The following PHF3 variants were observed in gnomAD, a reference collection of about 807,000 sequenced individuals.
PHF3 encodes PHD finger protein 3.
A neutral mutation model predicts 178.4 loss-of-function variants in PHF3; 41 were observed. The observed-to-expected ratio is 0.23, with a 90% CI of 0.18 to 0.30. PHF3 has a LOEUF of 0.30. PHF3 is among the 10% of genes least tolerant of loss of function. The pLI is 1.00. For synonymous variants in PHF3, 842 were observed against 800.5 expected (o/e 1.05, Z -0.88); for missense variants, 2,346 against 2,398.1 (o/e 0.98, Z 0.45).
At chr6:63,654,537 A>G (rs1421875783) in intron 2 of PHF3, among the ~76,000 whole-genome samples, 2 of 152,218 alleles carry the variant, frequency 1.3e-5, no homozygotes, top group Non-Finnish European at 2.9e-5. Context: ...GCAAAAGATA[A>G]AAGAGAGGTA....
intron 2 of PHF3, among the ~76,000 whole-genome samples, chr6:63,655,630 A>G (rs1765200768): frequency 6.6e-6 from 1 of 152,228 alleles, no homozygotes. Flanking sequence ...TTTTATTGGT[A>G]GGCTTTATGT....
At position 63,712,260 on chromosome 6, in the gene PHF3, C is replaced by G. The variant is rs777292330; in HGVS notation, c.4672C>G (p.Leu1558Val). 7 of 1,613,796 alleles carry G rather than the reference C, an allele frequency of 4.3e-6. No individual in the cohort carries two copies. Among genetic ancestry groups the G allele is most frequent in the Admixed American group, 1.7e-5 (1 of 59,968 alleles). The change falls in exon 16 of 16, where the codon CTT becomes GTT. Residue 1558 changes from leucine to valine, a missense_variant. Around this residue, in one of 8 missense-constraint regions of PHF3, gnomAD observed 839 missense variants for 806.9 expected, o/e 1.04. Coordinates refer to ENST00000262043, the MANE Select transcript of PHF3 (RefSeq NM_001370348.2). ...CATTTCTGCAGGGTCTTTGACGAGTCTTAGTCTCAGAGGTAAGCCACCAGA... is the reference window on the plus strand; with the variant it reads ...CATTTCTGCAGGGTCTTTGACGAGTGTTAGTCTCAGAGGTAAGCCACCAGA... ...SSISAGSLTS[L>V]SLRGKPPDVS...
intron 2 of PHF3, among the ~76,000 whole-genome samples, chr6:63,672,250 A>C (rs569043690): frequency 5.5e-4 from 84 of 152,332 alleles, no homozygotes; most frequent in African/African-American, 2.0e-3. Flanking sequence ...AAATCTAAGA[A>C]ATAAAAATAA....
At position 63,725,596 on chromosome 6, in the gene PHF3, A is replaced by T. The variant is rs183675929; in HGVS notation, c.*11888A>T. ...TTAAAACCAAATATCTCAGGAGAAC[A>T]AATTTCTTCTGAGCTGTATTTTATA... is the stretch of plus-strand genomic sequence containing the variant. On this transcript the variant is annotated 3_prime_UTR_variant, in exon 16 of 16. Coordinates refer to ENST00000262043, the MANE Select transcript of PHF3 (RefSeq NM_001370348.2). 2.6e-5 allele frequency among the ~76,000 whole-genome samples: 4 copies of T among 152,250 alleles called. No homozygotes were observed. The East Asian group carries it at 7.7e-4, about 29-fold the overall frequency.
chr6:63,675,037 C>T (rs1766106566), intron 2 of PHF3, among the ~76,000 whole-genome samples: 1 of 152,196 alleles, frequency 6.6e-6, no homozygotes, highest in East Asian at 1.9e-4. Flanking sequence ...GTTTAAATTA[C>T]ATAGTCTGGA....
chr6:63,689,022 A>G (rs1582084559), intron 4 of PHF3, among the ~76,000 whole-genome samples: 1 of 152,216 alleles, frequency 6.6e-6, no homozygotes, highest in South Asian at 2.1e-4. Context: ...TCATGGCTAG[A>G]TGTGATATTA....
At chr6:63,704,750 T>C (rs1243865216) in intron 11 of PHF3, among the ~76,000 whole-genome samples, 1 of 152,296 alleles carries the variant, frequency 6.6e-6, no homozygotes, top group East Asian at 1.9e-4. Flanking sequence ...CTCCTTTGGG[T>C]AAATACCATG....
intron 2 of PHF3, among the ~76,000 whole-genome samples, chr6:63,665,209 T>C (rs1451223225): frequency 6.6e-6 from 1 of 152,130 alleles, no homozygotes; most frequent in African/African-American, 2.4e-5. Context: ...TTCTTTCTTA[T>C]CACTAAAATA....
Position 63,711,222 on chromosome 6 carries a change from C to T in PHF3, c.3857C>T (p.Thr1286Ile). 1.9e-6 allele frequency: 3 copies of T among 1,612,512 alleles called. No individual in the cohort carries two copies. The highest frequency in any genetic ancestry group is 2.5e-6 in the Non-Finnish European group (3 of 1,179,326). The part of the protein sequence containing the change: ...PVTEEDQISY[T>I]LLFAYFSSRK... ...ACTGAAGAAGATCAAATTTCTTATA[C>T]TTTGCTCTTTGCATACTTCAGTAGC... is the stretch of plus-strand genomic sequence containing the variant. The change falls in exon 15 of 16, where the codon ACT becomes ATT. Residue 1286 changes from threonine to isoleucine, a missense_variant. By Grantham distance (89) the Thr-to-Ile change is moderately conservative. Transcript: ENST00000262043.
At chr6:63,692,142 C>A in intron 5 of PHF3, 99 bp downstream of exon 5, 1 of 864,838 alleles carries the variant, frequency 1.2e-6, no homozygotes, top group Non-Finnish European at 1.7e-6. Flanking sequence ...TTTTAATGTT[C>A]TTTTACATTT....
chr6:63,696,354 C>G (rs138370746), intron 6 of PHF3, among the ~76,000 whole-genome samples: 7 of 152,310 alleles, frequency 4.6e-5, no homozygotes, highest in Non-Finnish European at 8.8e-5. Context: ...GGGTCTCACT[C>G]TGTCACCCAG....
At chr6:63,708,993 CTG>C (rs1767809483) in intron 13 of PHF3, among the ~76,000 whole-genome samples, 156 bp from the exon 14 acceptor site, 1 of 152,080 alleles carries the variant, frequency 6.6e-6, no homozygotes, top group African/African-American at 2.4e-5. Flanking sequence ...TAATTGCTCT[CTG>C]TATTCTGTTT....
chr6:63,646,443 T>C, intron 1 of PHF3, 84 bp from the exon 2 acceptor site: 2 of 962,334 alleles, frequency 2.1e-6, no homozygotes, highest in Non-Finnish European at 3.0e-6. Flanking sequence ...GTTCTTAGAC[T>C]CAAAACTATT....
At position 63,716,345 on chromosome 6, in the gene PHF3, C is replaced by G. The variant is rs1768189804; in HGVS notation, c.*2637C>G. Reference sequence around the variant, plus strand: ...AGCAAAAGCCTGATGATCATATATACCTTTCATAGCCCTCTTTCTTTGCGT... The same window carrying G: ...AGCAAAAGCCTGATGATCATATATAGCTTTCATAGCCCTCTTTCTTTGCGT... On this transcript the variant is annotated 3_prime_UTR_variant, in exon 16 of 16. Transcript: ENST00000262043. 6.6e-6 allele frequency among the ~76,000 whole-genome samples: 1 copy of G among 152,126 alleles called. No individual in the cohort carries two copies. Among genetic ancestry groups the G allele is most frequent in the East Asian group, 1.9e-4 (1 of 5,194 alleles).
Position 63,685,874 on chromosome 6 carries a change from A to C in PHF3, c.2152A>C (p.Lys718Gln), listed in dbSNP as rs773623076. 3 of 1,613,196 alleles carry C rather than the reference A, an allele frequency of 1.9e-6. No individual in the cohort carries two copies. The change falls in exon 4 of 16, where the codon AAG becomes CAG. Residue 718 changes from lysine (K) to glutamine (Q), a missense_variant. Lys to Gln is a moderately conservative substitution (Grantham distance 53). This residue lies in a region of PHF3 where 72 missense variants were observed against 110.5 expected (regional missense o/e 0.65). Transcript: ENST00000262043. Reference sequence around the variant, plus strand: ...AAGCAAATATATGTGGACTCCCAGCAAGCAGTGTGGGTTTTGCAAAAAACC... The same window carrying C: ...AAGCAAATATATGTGGACTCCCAGCCAGCAGTGTGGGTTTTGCAAAAAACC... Reference protein sequence around the residue: ...FESKYMWTPSKQCGFCKKPHG... With the variant: ...FESKYMWTPSQQCGFCKKPHG...
At chr6:63,687,357 G>A (rs1372236875) in intron 4 of PHF3, among the ~76,000 whole-genome samples, 3 of 152,216 alleles carry the variant, frequency 2.0e-5, no homozygotes, top group Non-Finnish European at 4.4e-5. Context: ...CTGAGAAATG[G>A]AGGTTGCAGT....
At position 63,725,038 on chromosome 6, in the gene PHF3, AAAT is replaced by A. The variant is rs1189214657; in HGVS notation, c.*11333_*11335del. Among the ~76,000 whole-genome samples, 2 of 152,134 alleles carry A rather than the reference AAAT, an allele frequency of 1.3e-5. No homozygotes were observed. Among genetic ancestry groups the A allele is most frequent in the Non-Finnish European group, 2.9e-5 (2 of 67,992 alleles). ...CTTGTTATATCACTTGATTACTAAA[AAAT>A]AAGTTTATGCCTTTCATCTGATAAT... On this transcript the variant is annotated 3_prime_UTR_variant, in exon 16 of 16. Transcript: ENST00000262043.
At chr6:63,709,090 CTAA>C (rs976549682) in intron 13 of PHF3, 58 bp from the exon 14 acceptor site, 48 of 813,198 alleles carry the variant, frequency 5.9e-5, no homozygotes, top group Non-Finnish European at 7.7e-5. Flanking sequence ...GTATGAATTA[CTAA>C]TGTCATAATA....
rs781746178 is a variant in PHF3, at chr6:63,684,707, T to G, written c.985T>G (p.Ser329Ala). 6.2e-7 allele frequency: 1 copy of G among 1,613,774 alleles called. No homozygotes were observed. Among genetic ancestry groups the G allele is most frequent in the African/African-American group, 1.3e-5 (1 of 75,044 alleles). Reference sequence around the variant, plus strand: ...AGATTCAAAGGAGACAGTAAAATTATCCCATGAAGATGACCATATTCTTGA... The same window carrying G: ...AGATTCAAAGGAGACAGTAAAATTAGCCCATGAAGATGACCATATTCTTGA... ...EQDSKETVKL[S>A]HEDDHILEDA... Residue 329 changes from serine (S) to alanine (A), a missense_variant, in exon 4 of 16, where the codon TCC becomes GCC. Coordinates refer to ENST00000262043, the MANE Select transcript of PHF3 (RefSeq NM_001370348.2).
Sources: allele counts gnomAD v4.1 joint callset (sites outside exome capture counted in the v4.1 genomes callset), GRCh38; gene constraint gnomAD v4.1.1; regional missense constraint gnomAD v4.1.1; transcripts MANE v1.5; gene names NCBI Gene and HGNC (gene_info 2026-07-23, HGNC 2026-07-21).